The following SLC60A2 variants were observed in gnomAD, a reference collection of about 807,000 sequenced individuals.
SLC60A2 encodes the protein major facilitator superfamily domain containing 4B.
the SLC60A2 span, chr6:111,270,635 A>G: frequency 6.6e-6 from 1 of 152,118 alleles, no homozygotes; most frequent in Non-Finnish European, 1.5e-5. Flanking sequence ...AGGTCAGGAG[A>G]TCAAGACCAT....
At chr6:111,264,550 A>T in the SLC60A2 span, among the ~76,000 whole-genome samples, 4 of 152,044 alleles carry the variant, frequency 2.6e-5, no homozygotes, top group Non-Finnish European at 4.4e-5. Flanking sequence ...GCACTTTGGG[A>T]GGCCGAGATG....
At chr6:111,275,492 C>G in the SLC60A2 span, among the ~76,000 whole-genome samples, 1 of 151,694 alleles carries the variant, frequency 6.6e-6, no homozygotes, top group Non-Finnish European at 1.5e-5. Context: ...TCACTGCAAC[C>G]TCCAGCTCCT....
the SLC60A2 span, among the ~76,000 whole-genome samples, chr6:111,260,141 C>T: frequency 1.3e-5 from 2 of 152,168 alleles, no homozygotes; most frequent in Non-Finnish European, 2.9e-5. Context: ...AAACTCCTGA[C>T]CTCAGGTGAT....
At chr6:111,267,917 G>A in the SLC60A2 span, 1 of 152,272 alleles carries the variant, frequency 6.6e-6, no homozygotes, top group Admixed American at 6.5e-5. Flanking sequence ...TAATTTCAAT[G>A]AAGAGAACAC....
At chr6:111,261,685 C>G in the SLC60A2 span, among the ~76,000 whole-genome samples, 1 of 152,128 alleles carries the variant, frequency 6.6e-6, no homozygotes. Flanking sequence ...CCTCCGCATC[C>G]CGTGTTCAAG....
At chr6:111,264,674 A>G in the SLC60A2 span, among the ~76,000 whole-genome samples, 1 of 151,432 alleles carries the variant, frequency 6.6e-6, no homozygotes, top group Admixed American at 6.6e-5. Context: ...TGTAGTCCCA[A>G]TTACTCGGGA....
At chr6:111,262,426 G>T in the SLC60A2 span, 2 of 1,609,148 alleles carry the variant, frequency 1.2e-6, no homozygotes, top group Non-Finnish European at 1.7e-6. Context: ...TTACTTTTGG[G>T]TAAGTAAATG....
the SLC60A2 span, among the ~76,000 whole-genome samples, chr6:111,274,265 T>G: frequency 2.4e-4 from 37 of 152,350 alleles, no homozygotes; most frequent in Admixed American, 1.4e-3. Flanking sequence ...TGATTTTCTT[T>G]GTCTCTTTTT....
the SLC60A2 span, chr6:111,266,608 C>T: frequency 6.2e-7 from 1 of 1,614,198 alleles, no homozygotes; most frequent in Non-Finnish European, 8.5e-7. Context: ...CAGTACACGA[C>T]CATCCATGGG....
chr6:111,276,150 C>T, the SLC60A2 span, among the ~76,000 whole-genome samples: 8 of 152,270 alleles, frequency 5.3e-5, no homozygotes, highest in East Asian at 7.7e-4. Flanking sequence ...TATATACATA[C>T]TATATTTTGT....
chr6:111,259,861 T>A, the SLC60A2 span: 1 of 627,548 alleles, frequency 1.6e-6, no homozygotes, highest in Non-Finnish European at 2.5e-6. Flanking sequence ...GGCACAATTC[T>A]AATCTTGGAG....
chr6:111,266,284 ATGT>A, the SLC60A2 span: 1 of 1,613,976 alleles, frequency 6.2e-7, no homozygotes, highest in Non-Finnish European at 8.5e-7. Context: ...TTCTTTTTTT[ATGT>A]TGGAGCTGAG....
At chr6:111,263,041 G>T in the SLC60A2 span, among the ~76,000 whole-genome samples, 2 of 151,942 alleles carry the variant, frequency 1.3e-5, no homozygotes, top group East Asian at 1.9e-4. Context: ...GGGCTCAAGC[G>T]ATCCTCCCAT....
the SLC60A2 span, chr6:111,271,283 A>G: frequency 6.6e-6 from 1 of 151,300 alleles, no homozygotes; most frequent in African/African-American, 2.4e-5. Context: ...TTTTGAGAGT[A>G]TTTTTCAATT....
At chr6:111,271,974 A>G in the SLC60A2 span, among the ~76,000 whole-genome samples, 1 of 151,970 alleles carries the variant, frequency 6.6e-6, no homozygotes, top group African/African-American at 2.4e-5. Flanking sequence ...TAAAAAATTT[A>G]AAATAACCAG....
At chr6:111,270,830 G>C in the SLC60A2 span, 3 of 151,986 alleles carry the variant, frequency 2.0e-5, no homozygotes, top group East Asian at 3.9e-4. Context: ...GGGTGACAGA[G>C]CGAGACTGTC....
At chr6:111,265,718 T>C in the SLC60A2 span, among the ~76,000 whole-genome samples, 1 of 152,290 alleles carries the variant, frequency 6.6e-6, no homozygotes, top group East Asian at 1.9e-4. Context: ...TAGAATTCCT[T>C]TCTCAGAATT....
chr6:111,269,531 C>G, the SLC60A2 span: 1 of 152,122 alleles, frequency 6.6e-6, no homozygotes, highest in East Asian at 1.9e-4. Context: ...AAATTTCCCT[C>G]AGTTAGAACT....
the SLC60A2 span, chr6:111,268,490 T>A: frequency 6.6e-6 from 1 of 152,244 alleles, no homozygotes; most frequent in African/African-American, 2.4e-5. Flanking sequence ...TTTACAGACA[T>A]TTTAAAAATA....
Sources: gnomAD v4.1 joint callset for allele counts (sites outside exome capture counted in the v4.1 genomes callset) on GRCh38, gnomAD v4.1.1 for gene constraint, MANE v1.5 for transcripts, NCBI Gene and HGNC (gene_info 2026-07-23, HGNC 2026-07-21) for gene names.